GGACT: variants seen among roughly 807,000 people sequenced by gnomAD.
GGACT encodes gamma-glutamylaminecyclotransferase.
For synonymous variants in GGACT, 118 were observed against 115.3 expected (o/e 1.02, Z -0.15); for missense variants, 241 against 233.2 (o/e 1.03, Z -0.22).
At chr13:100,583,228 A>C (rs947022196) in intron 2 of GGACT, among the ~76,000 whole-genome samples, 8 of 152,212 alleles carry the variant, frequency 5.3e-5, no homozygotes, top group Non-Finnish European at 8.8e-5. Context: ...TGTTAACACG[A>C]ATTTTTAAAA....
chr13:100,544,162 C>T (rs1211903476), intron 2 of GGACT, among the ~76,000 whole-genome samples: 2 of 152,220 alleles, frequency 1.3e-5, no homozygotes, highest in African/African-American at 4.8e-5. Context: ...GCCACTTCCC[C>T]TCCCTCCCCC....
At chr13:100,577,190 C>A (rs754412983) in intron 2 of GGACT, among the ~76,000 whole-genome samples, 1 of 151,954 alleles carries the variant, frequency 6.6e-6, no homozygotes, top group African/African-American at 2.4e-5. Context: ...CTGAGGACGG[C>A]GGATCATCTG....
At chr13:100,578,535 T>C (rs954726544) in intron 2 of GGACT, among the ~76,000 whole-genome samples, 1 of 152,240 alleles carries the variant, frequency 6.6e-6, no homozygotes, top group Non-Finnish European at 1.5e-5. Flanking sequence ...CTGGCTTACC[T>C]GTGAGTCTAC....
intron 2 of GGACT, among the ~76,000 whole-genome samples, chr13:100,552,180 G>A (rs1381319168): frequency 6.6e-6 from 1 of 152,198 alleles, no homozygotes; most frequent in African/African-American, 2.4e-5. Flanking sequence ...TTCAATGGAT[G>A]GGGGCTGTCA....
At chr13:100,585,576 T>C (rs937579372) in intron 1 of GGACT, among the ~76,000 whole-genome samples, 3 of 152,026 alleles carry the variant, frequency 2.0e-5, no homozygotes, top group Admixed American at 1.3e-4. Context: ...CAGACCAGTG[T>C]GGCCAACATG....
intron 2 of GGACT, among the ~76,000 whole-genome samples, chr13:100,577,575 G>A (rs559412805): frequency 6.6e-6 from 1 of 152,134 alleles, no homozygotes; most frequent in Non-Finnish European, 1.5e-5. Flanking sequence ...ATTTGGGGGT[G>A]AAATGACATG....
chr13:100,535,367 T>C (rs141312745), intron 2 of GGACT, among the ~76,000 whole-genome samples: 1 of 152,372 alleles, frequency 6.6e-6, no homozygotes, highest in African/African-American at 2.4e-5. Context: ...ATGTCTTAAA[T>C]CATATCTTGC....
chr13:100,532,336 C>A lies in GGACT; in HGVS notation c.256G>T (p.Ala86Ser), dbSNP rs2088414292. 5.8e-6 allele frequency: 9 copies of A among 1,550,480 alleles called. No homozygotes were observed. Among genetic ancestry groups the A allele is most frequent in the Non-Finnish European group, 7.8e-6 (9 of 1,146,550 alleles). Residue 86 changes from alanine (A) to serine (S), a missense_variant, in exon 3 of 3, where the codon GCC becomes TCC. Coordinates refer to ENST00000683975, the MANE Select transcript of GGACT (RefSeq NM_001195087.2). The part of the protein sequence containing the change: ...RFLDDFESCP[A>S]LYQRTVLRVQ... ...CGCAGCACCGTGCGCTGGTACAGGG[C>A]CGGGCAACTCTCGAAGTCATCCAGA...
intron 2 of GGACT, among the ~76,000 whole-genome samples, chr13:100,570,040 T>A (rs1875034386): frequency 6.6e-6 from 1 of 152,234 alleles, no homozygotes; most frequent in South Asian, 2.1e-4. Flanking sequence ...TTCCACACTT[T>A]CCCACACCTT....
At chr13:100,535,078 G>A (rs554209653) in intron 2 of GGACT, among the ~76,000 whole-genome samples, 1 of 152,350 alleles carries the variant, frequency 6.6e-6, no homozygotes, top group African/African-American at 2.4e-5. Flanking sequence ...AGCACCTGCA[G>A]GTGAGGAAGC....
At chr13:100,568,942 G>A (rs1300420293) in intron 2 of GGACT, among the ~76,000 whole-genome samples, 1 of 152,262 alleles carries the variant, frequency 6.6e-6, no homozygotes, top group East Asian at 1.9e-4. Flanking sequence ...AAATCTTAAA[G>A]TTCCAAAATG....
intron 2 of GGACT, among the ~76,000 whole-genome samples, chr13:100,571,903 C>T (rs1875093265): frequency 6.6e-6 from 1 of 152,084 alleles, no homozygotes; most frequent in African/African-American, 2.4e-5. Context: ...ATAATAATGC[C>T]TTGCATATAT....
At chr13:100,569,326 C>G (rs1012330844) in intron 2 of GGACT, among the ~76,000 whole-genome samples, 5 of 152,250 alleles carry the variant, frequency 3.3e-5, no homozygotes, top group African/African-American at 1.2e-4. Context: ...CCTCTGAAAT[C>G]TAGGCAGAGG....
At chr13:100,537,310 C>T (rs2088504747) in intron 2 of GGACT, 1 of 152,292 alleles carries the variant, frequency 6.6e-6, no homozygotes, top group Admixed American at 6.5e-5. Context: ...TCTTCAGGTA[C>T]AGGAGACTCA....
chr13:100,578,692 G>A lies in GGACT; in HGVS notation c.-11+5133C>T, dbSNP rs186527855. ...GAGATATACTAATCTCCTCTTATAA[G>A]TTTTTATTAGGCTTTTATAATCTGG... On this transcript the variant is annotated intron_variant, in intron 2 of 2. Transcript: ENST00000683975. Among the ~76,000 whole-genome samples, 264 of 152,294 alleles carry A rather than the reference G, an allele frequency of 1.7e-3. 1 individual carries two copies. The highest frequency in any genetic ancestry group is 8.5e-4 in the Admixed American group (13 of 15,308).
At chr13:100,556,331 G>A (rs940940901) in intron 2 of GGACT, among the ~76,000 whole-genome samples, 3 of 152,056 alleles carry the variant, frequency 2.0e-5, no homozygotes, top group African/African-American at 7.3e-5. Context: ...TTCTAACAGG[G>A]GAAAACTGGA....
At chr13:100,573,392 C>T (rs1489328726) in intron 2 of GGACT, among the ~76,000 whole-genome samples, 1 of 152,040 alleles carries the variant, frequency 6.6e-6, no homozygotes, top group Non-Finnish European at 1.5e-5. Flanking sequence ...TAAAAGAGAC[C>T]CATATATAAC....
In GGACT at chr13:100,530,557, C is replaced by CTGCCT. The variant is rs2088337927; in HGVS notation, c.*1568_*1572dup. On this transcript the variant is annotated 3_prime_UTR_variant, in exon 3 of 3. Coordinates refer to ENST00000683975, the MANE Select transcript of GGACT (RefSeq NM_001195087.2). ...ATTGATATAAATGTCAGTCAGTTCT[C>CTGCCT]TGCCTTGCTTTATTAAATTAGCACT... is the stretch of plus-strand genomic sequence containing the variant. 3.1e-6 allele frequency: 1 copy of CTGCCT among 320,184 alleles called. No individual in the cohort carries two copies. The highest frequency in any genetic ancestry group is 5.9e-6 in the Non-Finnish European group (1 of 168,518). The allele number at this position is 320,184 out of a possible 1,614,324, so 19.8% of individuals were successfully genotyped here. A position where few individuals can be genotyped will look rare whatever the true frequency, so the allele number is the denominator to read the frequency against.
intron 2 of GGACT, among the ~76,000 whole-genome samples, chr13:100,553,849 A>AG (rs1029955906): frequency 1.3e-5 from 2 of 151,436 alleles, no homozygotes; most frequent in African/African-American, 4.9e-5. Flanking sequence ...ATCTCAAAAA[A>AG]AAAAAAAAAA....
Sources: allele counts gnomAD v4.1 joint callset (sites outside exome capture counted in the v4.1 genomes callset), GRCh38; gene constraint gnomAD v4.1.1; transcripts MANE v1.5; gene names NCBI Gene and HGNC (gene_info 2026-07-23, HGNC 2026-07-21).